TRIM3: variants seen among roughly 807,000 people sequenced by gnomAD.
The protein encoded by TRIM3 is tripartite motif-containing protein 3.
In TRIM3, 13 loss-of-function variants were observed where a neutral mutation model predicts 66.6. The ratio of observed to expected loss-of-function variants is 0.20; its 90% CI spans 0.13 to 0.31. The LOEUF (loss-of-function observed/expected upper bound fraction) is 0.31, where lower values mean the gene tolerates loss of function less well. Among genes scored for constraint, TRIM3 ranks in the 10% least tolerant of loss-of-function variants. The pLI is 1.00. For missense variants in TRIM3, 711 were observed against 1,020.4 expected (o/e 0.70, Z 4.13); for synonymous variants, 406 against 411.7 (o/e 0.99, Z 0.17).
chr11:6,458,053 G>A lies in TRIM3; in HGVS notation c.363+12C>T, dbSNP rs144312526. The A allele has an allele frequency of 5.3e-5, 84 of 1,591,738 alleles. No homozygotes were observed. In the African/African-American group the frequency reaches 8.0e-4, roughly 15 times the overall value. ...CCAAGTCCCGGCCTCACTGGGCCTCGCTTGGGCCCACCTTGCCTTCATGGT... is the reference window on the plus strand; with the variant it reads ...CCAAGTCCCGGCCTCACTGGGCCTCACTTGGGCCCACCTTGCCTTCATGGT... On this transcript the variant is annotated intron_variant, in intron 3 of 11. Coordinates refer to ENST00000345851, the MANE Select transcript of TRIM3 (RefSeq NM_033278.4). The surrounding 1 kb of genome is among the most constrained non-coding windows in gnomAD (Gnocchi z 6.2).
chr11:6,455,160 G>C (rs1189010494), intron 7 of TRIM3, among the ~76,000 whole-genome samples: 1 of 152,018 alleles, frequency 6.6e-6, no homozygotes, highest in Non-Finnish European at 1.5e-5. Flanking sequence ...CCTGGACGAT[G>C]ATATTTTTAA....
chr11:6,461,225 T>C (rs2134199961), intron 2 of TRIM3, among the ~76,000 whole-genome samples: 1 of 152,228 alleles, frequency 6.6e-6, no homozygotes, highest in East Asian at 1.9e-4. Flanking sequence ...TAATTGTGAC[T>C]TACTTTTCCT....
chr11:6,448,833 C>A lies in TRIM3; in HGVS notation c.*195G>T. ...CCTTGGGACCACAGTCCAGGCTCAC[C>A]CAGTCACCAAAGCAAGAACCGAATA... On this transcript the variant is annotated 3_prime_UTR_variant, in exon 12 of 12. Coordinates refer to ENST00000345851, the MANE Select transcript of TRIM3 (RefSeq NM_033278.4). 1.5e-6 allele frequency: 1 copy of A among 664,590 alleles called. No homozygotes were observed. The allele number at this position is 664,590 out of a possible 1,614,324, so 41.2% of individuals were successfully genotyped here.
At chr11:6,465,951 GTCTC>G (rs2134217971) in intron 1 of TRIM3, among the ~76,000 whole-genome samples, 1 of 152,348 alleles carries the variant, frequency 6.6e-6, no homozygotes, top group Non-Finnish European at 1.5e-5. Flanking sequence ...ACCTGGCTCA[GTCTC>G]TCACCAGCTA....
In TRIM3 at chr11:6,456,961, T is replaced by C. The variant is rs760734929; in HGVS notation, c.765A>G (p.Ala255=). Residue 255 remains alanine (A), a synonymous_variant, in exon 6 of 12, where the codon GCA becomes GCG. Transcript: ENST00000345851. This position sits in a 1 kb window ranked among gnomAD's most constrained non-coding sequence, Gnocchi z 6.4. ...QEHIGSSCSF[A]EQALRLGSAP... The stretch of plus-strand genomic sequence containing the variant: ...CCGAGCCCAGGCGCAGTGCCTGCTC[T>C]GCAAAGCTGCAGCTACTGCCGATGT... 1 of 1,608,508 alleles carries C rather than the reference T, an allele frequency of 6.2e-7. No homozygotes were observed. Among genetic ancestry groups the C allele is most frequent in the Admixed American group, 1.7e-5 (1 of 60,014 alleles).
At chr11:6,462,940 C>T (rs1850308455) in intron 2 of TRIM3, among the ~76,000 whole-genome samples, 1 of 152,084 alleles carries the variant, frequency 6.6e-6, no homozygotes, top group Non-Finnish European at 1.5e-5. Flanking sequence ...GGCACGGTGA[C>T]TCACGCCTGG....
At chr11:6,455,550 G>A (rs1349170450) in intron 7 of TRIM3, among the ~76,000 whole-genome samples, 1 of 152,222 alleles carries the variant, frequency 6.6e-6, no homozygotes. Context: ...GGGAGAGGCA[G>A]TGGGAGGACC....
At chr11:6,467,639 C>A (rs1850519901) in intron 1 of TRIM3, among the ~76,000 whole-genome samples, 2 of 152,100 alleles carry the variant, frequency 1.3e-5, no homozygotes, top group South Asian at 2.1e-4. Context: ...GTGGCACACA[C>A]CTGTAGTCCA....
chr11:6,454,794 A>C (rs1018119902), intron 7 of TRIM3, among the ~76,000 whole-genome samples: 1 of 152,204 alleles, frequency 6.6e-6, no homozygotes. Context: ...AGCAGGGGTC[A>C]GAGAGTAGCC....
chr11:6,457,404 C>A lies in TRIM3; in HGVS notation c.588G>T (p.Glu196Asp). The change falls in exon 5 of 12, where the codon GAG becomes GAT. Residue 196 changes from glutamate to aspartate, a missense_variant. Around this residue, in one of 3 missense-constraint regions of TRIM3, gnomAD observed 399 missense variants for 458.1 expected, o/e 0.87. Coordinates refer to ENST00000345851, the MANE Select transcript of TRIM3 (RefSeq NM_033278.4). This position sits in a 1 kb window ranked among gnomAD's most constrained non-coding sequence, Gnocchi z 4.5. ...ISQQLQERKAEALAQISAAFE... is the reference protein window; with the variant it reads ...ISQQLQERKADALAQISAAFE... ...ACGCTGCACTGATCTGGGCCAGGGC[C>A]TCTGCCTTGCGCTCCTGCAGCTGCT... is the stretch of plus-strand genomic sequence containing the variant. The A allele has an allele frequency of 6.2e-7, 1 of 1,613,690 alleles. No individual in the cohort carries two copies. The highest frequency in any genetic ancestry group is 8.5e-7 in the Non-Finnish European group (1 of 1,179,852).
At chr11:6,465,789 C>A (rs1311538798) in intron 1 of TRIM3, 57 bp from the exon 2 acceptor site, 1 of 1,500,266 alleles carries the variant, frequency 6.7e-7, no homozygotes, top group African/African-American at 1.4e-5. Flanking sequence ...CCCACCCAAT[C>A]CCCGCCACTC....
intron 1 of TRIM3, among the ~76,000 whole-genome samples, 192 bp from the exon 2 acceptor site, chr11:6,465,924 AT>A (rs1850445440): frequency 6.6e-6 from 1 of 152,218 alleles, no homozygotes; most frequent in Non-Finnish European, 1.5e-5. Flanking sequence ...CAGACGTAGG[AT>A]TAGATTGGGT....
At chr11:6,462,420 T>C (rs1416185159) in intron 2 of TRIM3, among the ~76,000 whole-genome samples, 1 of 152,096 alleles carries the variant, frequency 6.6e-6, no homozygotes, top group Non-Finnish European at 1.5e-5. Context: ...TTTGTTTATT[T>C]AATTTAAGAT....
intron 2 of TRIM3, 22 bp downstream of exon 2, chr11:6,465,543 C>T: frequency 6.2e-7 from 1 of 1,614,026 alleles, no homozygotes; most frequent in African/African-American, 1.3e-5. Flanking sequence ...CTCATCCCTC[C>T]CCAGTACACA....
rs77786989 is a variant in TRIM3 at position 6,458,908 on chromosome 11, C to G, written c.132-612G>C. On this transcript the variant is annotated intron_variant, in intron 2 of 11. Coordinates refer to ENST00000345851, the MANE Select transcript of TRIM3 (RefSeq NM_033278.4). The surrounding 1 kb of genome is among the most constrained non-coding windows in gnomAD (Gnocchi z 6.2). Reference sequence around the variant, plus strand: ...GTAAGATGGAGAAGTACAGACTTCACAGAGTGTTAGAGGATTACATGTAAA... The same window carrying G: ...GTAAGATGGAGAAGTACAGACTTCAGAGAGTGTTAGAGGATTACATGTAAA... Among the ~76,000 whole-genome samples the G allele has an allele frequency of 4.8e-3, 726 of 152,260 alleles. 4 individuals carry two copies. Among genetic ancestry groups the G allele is most frequent in the African/African-American group, 0.016 (683 of 41,520 alleles).
intron 7 of TRIM3, among the ~76,000 whole-genome samples, chr11:6,453,560 A>G (rs1849829295): frequency 1.3e-5 from 2 of 152,236 alleles, no homozygotes; most frequent in Middle Eastern, 3.2e-3. Flanking sequence ...TGATTCCAGT[A>G]AAGTATGAAA....
chr11:6,457,135 G>T lies in TRIM3; in HGVS notation c.697-106C>A. 6.6e-7 allele frequency: 1 copy of T among 1,523,274 alleles called. No individual in the cohort carries two copies. The allele number at this position is 1,523,274 out of a possible 1,614,324, so 94.4% of individuals were successfully genotyped here. A position where few individuals can be genotyped will look rare whatever the true frequency, so the allele number is the denominator to read the frequency against. On this transcript the variant is annotated intron_variant, in intron 5 of 11. Transcript: ENST00000345851. The surrounding 1 kb of genome is among the most constrained non-coding windows in gnomAD (Gnocchi z 4.5). ...GCATAAAATACAAGAGGGTGCCTGTGGACAGAGGACACAGATGCCCACAGC... is the reference window on the plus strand; with the variant it reads ...GCATAAAATACAAGAGGGTGCCTGTTGACAGAGGACACAGATGCCCACAGC...
chr11:6,467,542 G>A (rs1272598675), intron 1 of TRIM3, among the ~76,000 whole-genome samples: 1 of 152,200 alleles, frequency 6.6e-6, no homozygotes, highest in Non-Finnish European at 1.5e-5. Context: ...AAAGCAGGAA[G>A]ATCGTTTGAG....
intron 1 of TRIM3, among the ~76,000 whole-genome samples, chr11:6,468,772 T>C (rs1341790904): frequency 6.6e-6 from 1 of 152,212 alleles, no homozygotes; most frequent in Non-Finnish European, 1.5e-5. Flanking sequence ...AACAGCTGGA[T>C]TACTCCAAAA....
Sources: allele counts gnomAD v4.1 joint callset (sites outside exome capture counted in the v4.1 genomes callset), GRCh38; gene constraint gnomAD v4.1.1; regional missense constraint gnomAD v4.1.1; non-coding constraint Gnocchi (gnomAD v3.1); transcripts MANE v1.5; gene names NCBI Gene and HGNC (gene_info 2026-07-23, HGNC 2026-07-21).